The following MAPK10 variants were observed in gnomAD, a reference collection of about 807,000 sequenced individuals.
MAPK10 encodes the protein JNK3 alpha protein kinase.
Under a neutral mutation model 59.3 loss-of-function variants are expected in MAPK10, and 25 were observed. The observed-to-expected ratio is 0.42, with a 90% CI of 0.31 to 0.59. MAPK10 has a LOEUF of 0.59. Ranked by LOEUF, MAPK10 falls within the 20% of genes least tolerant of loss-of-function variation. The pLI, the probability that MAPK10 is intolerant of heterozygous loss-of-function variation, is 0.15. For synonymous variants in MAPK10, 190 were observed against 200.5 expected, an observed-to-expected ratio of 0.95 and a Z score of 0.44; for missense variants, 351 against 568.9, an observed-to-expected ratio of 0.62 and a Z score of 3.90.
At chr4:86,103,784 T>C (rs1422181174) in intron 5 of MAPK10, among the ~76,000 whole-genome samples, 4 of 151,932 alleles carry the variant, frequency 2.6e-5, no homozygotes, top group Admixed American at 2.0e-4. Context: ...ATATCAATGA[T>C]GGATTTAATA....
intron 4 of MAPK10, among the ~76,000 whole-genome samples, chr4:86,151,225 T>TTACATGCCTGAGTCCATCTGTTTTCTC (rs1435539350): frequency 2.0e-5 from 3 of 152,058 alleles, no homozygotes; most frequent in African/African-American, 7.2e-5. Flanking sequence ...AATTGAGAGT[T>TTACATGCCTGAGTCCATCTGTTTTCTC]TACATGCCTG....
intron 9 of MAPK10, among the ~76,000 whole-genome samples, chr4:86,072,065 C>T (rs1293654173): frequency 6.8e-6 from 1 of 147,612 alleles, no homozygotes; most frequent in East Asian, 2.0e-4. Flanking sequence ...TCTTTTATTT[C>T]CTTGAGCAGT....
chr4:86,135,115 G>A (rs1580970134), intron 4 of MAPK10, among the ~76,000 whole-genome samples: 1 of 152,154 alleles, frequency 6.6e-6, no homozygotes, highest in Non-Finnish European at 1.5e-5. Flanking sequence ...GGGGAGGGGC[G>A]CCCGCCATTG....
intron 2 of MAPK10, among the ~76,000 whole-genome samples, chr4:86,248,808 T>C (rs2093263604): frequency 6.6e-6 from 1 of 152,178 alleles, no homozygotes; most frequent in Non-Finnish European, 1.5e-5. Flanking sequence ...ATTATTTCTG[T>C]AATAAAGAGC....
At chr4:86,241,700 A>C (rs531043575) in intron 2 of MAPK10, among the ~76,000 whole-genome samples, 1 of 152,006 alleles carries the variant, frequency 6.6e-6, no homozygotes, top group Admixed American at 6.6e-5. Context: ...TTCCCCTCTA[A>C]ACTGGTTATT....
chr4:86,103,687 C>T (rs796328343), intron 5 of MAPK10, among the ~76,000 whole-genome samples: 1 of 151,734 alleles, frequency 6.6e-6, no homozygotes, highest in Non-Finnish European at 1.5e-5. Context: ...TGTGTTGTTA[C>T]TTTATATTTT....
In MAPK10 at chr4:86,090,406, T is replaced by C. The variant is rs967892052; in HGVS notation, c.802+8118A>G. ...ACTCGGGTTAAACTCAAAGTTTCCA[T>C]TGTTTGATTTAACACCTAAACAAAG... is the stretch of plus-strand genomic sequence containing the variant. On this transcript the variant is annotated intron_variant, in intron 9 of 13. Transcript: ENST00000641462. The C allele has an allele frequency of 4.6e-5, 7 of 152,180 alleles. No homozygotes were observed. The East Asian group carries it at 1.3e-3, about 29-fold the overall frequency. The allele number at this position is 152,180 out of a possible 1,614,324, so 9.4% of individuals were successfully genotyped here.
chr4:86,431,865 G>C (rs1316087341), intron 1 of MAPK10, among the ~76,000 whole-genome samples: 2 of 152,188 alleles, frequency 1.3e-5, no homozygotes, highest in Non-Finnish European at 1.5e-5. Context: ...AGCATGATCC[G>C]AGGGTGGAGT....
chr4:86,120,474 C>G (rs1157273698), intron 4 of MAPK10: 1 of 152,168 alleles, frequency 6.6e-6, no homozygotes, highest in Non-Finnish European at 1.5e-5. Context: ...CTCATCACCA[C>G]AGAAAATAGA....
intron 1 of MAPK10, among the ~76,000 whole-genome samples, chr4:86,427,578 C>T (rs887036532): frequency 7.2e-5 from 11 of 151,970 alleles, no homozygotes; most frequent in African/African-American, 2.7e-4. Flanking sequence ...TTAAGGAAAG[C>T]AGAAAGGAAA....
intron 11 of MAPK10, among the ~76,000 whole-genome samples, chr4:86,054,134 C>T (rs2044084873): frequency 6.6e-6 from 1 of 152,198 alleles, no homozygotes; most frequent in South Asian, 2.1e-4. Context: ...CAGCTTTTCA[C>T]ACCTGAGAAT....
intron 2 of MAPK10, among the ~76,000 whole-genome samples, chr4:86,298,262 T>A (rs1220152793): frequency 6.6e-6 from 1 of 152,168 alleles, no homozygotes; most frequent in Non-Finnish European, 1.5e-5. Flanking sequence ...CATTTCCAGA[T>A]GAGGGGCTAT....
intron 13 of MAPK10, among the ~76,000 whole-genome samples, chr4:86,021,924 G>A (rs1052035329): frequency 6.6e-6 from 1 of 152,216 alleles, no homozygotes; most frequent in Non-Finnish European, 1.5e-5. Flanking sequence ...CCAAGCCCAC[G>A]CCTACCTGCA....
At chr4:86,537,174 G>A (rs570619762) in intron 1 of MAPK10, among the ~76,000 whole-genome samples, 2 of 152,300 alleles carry the variant, frequency 1.3e-5, no homozygotes, top group Admixed American at 6.5e-5. Context: ...TGTTGTGAGA[G>A]GTGATGATGG....
chr4:86,463,591 C>A (rs955894125), intron 1 of MAPK10, among the ~76,000 whole-genome samples: 6 of 152,156 alleles, frequency 3.9e-5, no homozygotes, highest in Non-Finnish European at 7.4e-5. Flanking sequence ...GACTGCTACT[C>A]CTTACTCCTA....
At chr4:86,248,149 C>T (rs910287692) in intron 2 of MAPK10, among the ~76,000 whole-genome samples, 1 of 152,138 alleles carries the variant, frequency 6.6e-6, no homozygotes, top group East Asian at 1.9e-4. Flanking sequence ...TTTATGAGAT[C>T]CTGATTTTTG....
intron 2 of MAPK10, among the ~76,000 whole-genome samples, chr4:86,215,815 T>C (rs923954130): frequency 1.3e-5 from 2 of 152,178 alleles, no homozygotes; most frequent in Non-Finnish European, 2.9e-5. Context: ...TGAGCCGAGA[T>C]TGTGCCACTG....
intron 1 of MAPK10, among the ~76,000 whole-genome samples, chr4:86,476,271 G>A (rs752144885): frequency 6.6e-6 from 1 of 151,894 alleles, no homozygotes; most frequent in South Asian, 2.1e-4. Context: ...CTCAGCTTCT[G>A]CTCCCCCACC....
chr4:86,352,788 A>G (rs1393655078), intron 2 of MAPK10, among the ~76,000 whole-genome samples: 1 of 152,220 alleles, frequency 6.6e-6, no homozygotes, highest in African/African-American at 2.4e-5. Flanking sequence ...ATATTTCACA[A>G]TTAAAAAATA....
Sources: gnomAD v4.1 joint callset for allele counts (sites outside exome capture counted in the v4.1 genomes callset) on GRCh38, gnomAD v4.1.1 for gene constraint, MANE v1.5 for transcripts, NCBI Gene and HGNC (gene_info 2026-07-23, HGNC 2026-07-21) for gene names.